LAMA2: variants seen among roughly 807,000 people sequenced by gnomAD.
LAMA2 encodes the protein laminin subunit alpha-2.
A neutral mutation model predicts 364.8 loss-of-function variants in LAMA2; 269 were observed. The observed-to-expected ratio is 0.74, with a 90% confidence interval of 0.67 to 0.82. The LOEUF is 0.82. Among genes scored for constraint, LAMA2 ranks in the 40% least tolerant of loss-of-function variants. The probability of loss-of-function intolerance (pLI) is 0.00; values close to 1 mark genes in which losing one functional copy is unlikely to be tolerated. For missense variants in LAMA2, 3,807 were observed against 3,873.2 expected, an observed-to-expected ratio of 0.98 and a Z score of 0.45; for synonymous variants, 1,379 against 1,370.6, an observed-to-expected ratio of 1.01 and a Z score of -0.14.
intron 12 of LAMA2, among the ~76,000 whole-genome samples, chr6:129,196,720 A>C (rs1020377149): frequency 2.0e-5 from 3 of 152,212 alleles, no homozygotes; most frequent in Admixed American, 2.0e-4. Context: ...GCAAGTGAAG[A>C]ATGGTATGGC....
At chr6:129,497,097 A>T (rs1712674037) in intron 58 of LAMA2, among the ~76,000 whole-genome samples, 2 of 152,128 alleles carry the variant, frequency 1.3e-5, no homozygotes, top group South Asian at 4.1e-4. Flanking sequence ...AAAAAAAGGG[A>T]TGTGGTGAGT....
intron 22 of LAMA2, among the ~76,000 whole-genome samples, chr6:129,306,021 C>T (rs905135310): frequency 3.9e-5 from 6 of 151,910 alleles, no homozygotes; most frequent in African/African-American, 1.5e-4. Context: ...AACAGGAAAC[C>T]TCCAGTCCCC....
chr6:129,158,812 A>G lies in LAMA2; in HGVS notation c.1206+4129A>G, dbSNP rs531928310. 1.4e-4 allele frequency: 223 copies of G among 1,614,164 alleles called. 3 individuals carry two copies. The South Asian group carries it at 2.3e-3, about 17-fold the overall frequency. ...CTTTGCACTGAAAATCAGATCCTTC[A>G]TATTTCATACACCCTGAAGCTAATG... is the stretch of plus-strand genomic sequence containing the variant. On this transcript the variant is annotated intron_variant, in intron 8 of 64. Transcript: ENST00000421865.
intron 34 of LAMA2, 96 bp from the exon 35 acceptor site, chr6:129,383,026 A>G: frequency 1.0e-6 from 1 of 973,996 alleles, no homozygotes; most frequent in South Asian, 1.4e-5. Context: ...GTTGGCTCAA[A>G]GTAATATTTG....
intron 51 of LAMA2, among the ~76,000 whole-genome samples, chr6:129,467,269 C>G (rs1208769388): frequency 2.0e-5 from 3 of 151,718 alleles, no homozygotes; most frequent in African/African-American, 7.3e-5. Flanking sequence ...AATCCAATAC[C>G]ATATGTTCTC....
At chr6:129,105,317 C>T (rs905824968) in intron 4 of LAMA2, among the ~76,000 whole-genome samples, 3 of 152,146 alleles carry the variant, frequency 2.0e-5, no homozygotes, top group Non-Finnish European at 4.4e-5. Context: ...CAAGTGCTGC[C>T]TCTGCAGAAA....
intron 33 of LAMA2, among the ~76,000 whole-genome samples, chr6:129,366,958 T>C (rs1362614593): frequency 6.6e-6 from 1 of 152,174 alleles, no homozygotes; most frequent in Non-Finnish European, 1.5e-5. Context: ...CACAGGCAAA[T>C]GTAGGCACTG....
chr6:129,024,382 C>CTTTTTTTTTTTT (rs202105513), intron 1 of LAMA2, among the ~76,000 whole-genome samples: 1 of 116,794 alleles, frequency 8.6e-6, no homozygotes, highest in African/African-American at 2.9e-5. Flanking sequence ...TCTTTTCTTT[C>CTTTTTTTTTTTT]TTTTTTTTTT....
At chr6:129,202,886 A>G (rs1782394521) in intron 12 of LAMA2, among the ~76,000 whole-genome samples, 1 of 152,208 alleles carries the variant, frequency 6.6e-6, no homozygotes, top group African/African-American at 2.4e-5. Context: ...GAAAAATGTT[A>G]CCAGATGGAA....
chr6:129,491,366 T>G (rs1378713513), intron 56 of LAMA2, among the ~76,000 whole-genome samples: 1 of 152,200 alleles, frequency 6.6e-6, no homozygotes, highest in Non-Finnish European at 1.5e-5. Context: ...GGAAAATCAT[T>G]GCAAGGAACA....
At chr6:128,997,386 AAGAG>A (rs1247035656) in intron 1 of LAMA2, among the ~76,000 whole-genome samples, 1 of 145,138 alleles carries the variant, frequency 6.9e-6, no homozygotes, top group Non-Finnish European at 1.5e-5. Flanking sequence ...GAGAGAAAGG[AAGAG>A]AGGGAGGGAG....
In LAMA2 at chr6:129,250,178, A is replaced by C. The variant is rs1180822440; in HGVS notation, c.1849A>C (p.Thr617Pro). 10 of 1,606,462 alleles carry C rather than the reference A, an allele frequency of 6.2e-6. No individual in the cohort carries two copies. The highest frequency in any genetic ancestry group is 8.5e-6 in the Non-Finnish European group (10 of 1,173,486). The change falls in exon 13 of 65, where the codon ACA (threonine) becomes CCA (proline). Residue 617 changes from threonine to proline, a missense_variant. Physicochemically the swap from Thr to Pro is conservative, Grantham distance 38 (BLOSUM62 -1). Transcript: ENST00000421865. ...SYDLEEEEEDTERVLQLMIIL... is the reference protein window; with the variant it reads ...SYDLEEEEEDPERVLQLMIIL... The stretch of plus-strand genomic sequence containing the variant: ...TGACCTTGAAGAAGAGGAAGAAGAT[A>C]CAGAACGTGTTCTCCAGCTTATGAT...
intron 1 of LAMA2, among the ~76,000 whole-genome samples, chr6:129,035,227 G>A (rs1786536152): frequency 1.3e-5 from 2 of 150,472 alleles, no homozygotes. Context: ...GCATCTCCCT[G>A]ATGATTAGTG....
intron 1 of LAMA2, among the ~76,000 whole-genome samples, chr6:129,012,328 T>C (rs576918293): frequency 1.3e-5 from 2 of 152,266 alleles, no homozygotes; most frequent in African/African-American, 4.8e-5. Context: ...AATATTATGC[T>C]TTGTTAAGTT....
At chr6:128,996,052 T>C (rs575460890) in intron 1 of LAMA2, among the ~76,000 whole-genome samples, 7 of 152,224 alleles carry the variant, frequency 4.6e-5, no homozygotes, top group Non-Finnish European at 1.0e-4. Context: ...ATAAATCTAA[T>C]GCAGGAGGCA....
intron 34 of LAMA2, among the ~76,000 whole-genome samples, chr6:129,380,587 C>T (rs1359659080): frequency 6.6e-6 from 1 of 152,032 alleles, no homozygotes; most frequent in Non-Finnish European, 1.5e-5. Context: ...GGAATGGCCA[C>T]GCTAAGGAGA....
intron 4 of LAMA2, among the ~76,000 whole-genome samples, chr6:129,129,821 G>A (rs928258495): frequency 6.7e-6 from 1 of 149,996 alleles, no homozygotes; most frequent in African/African-American, 2.4e-5. Context: ...CTACTTGGGA[G>A]GCTGAGGCAG....
chr6:129,515,355 G>T (rs970850938), intron 64 of LAMA2, among the ~76,000 whole-genome samples: 6 of 152,166 alleles, frequency 3.9e-5, no homozygotes, highest in Non-Finnish European at 7.3e-5. Flanking sequence ...ATGCAATGGG[G>T]GCCCAACGAC....
At chr6:129,113,137 C>A (rs1179017529) in intron 4 of LAMA2, among the ~76,000 whole-genome samples, 4 of 151,960 alleles carry the variant, frequency 2.6e-5, no homozygotes, top group Non-Finnish European at 5.9e-5. Context: ...TACAATGCAT[C>A]CTGTTTTATA....
Sources: allele counts gnomAD v4.1 joint callset (sites outside exome capture counted in the v4.1 genomes callset), GRCh38; gene constraint gnomAD v4.1.1; transcripts MANE v1.5; gene names NCBI Gene and HGNC (gene_info 2026-07-23, HGNC 2026-07-21).